Variants in MTUS2 observed in about 807,000 individuals in gnomAD.
MTUS2 encodes microtubule-associated tumor suppressor candidate 2.
MTUS2 carries 40 observed loss-of-function variants against 114.1 expected under a neutral mutation model. That is an observed-to-expected ratio of 0.35 (90% confidence interval 0.27 to 0.46). The LOEUF (loss-of-function observed/expected upper bound fraction) is 0.46. MTUS2 is among the 20% of genes least tolerant of loss of function. The pLI, the probability that MTUS2 is intolerant of heterozygous loss-of-function variation, is 1.00. For missense variants in MTUS2, 1,679 were observed against 1,705.4 expected (o/e 0.98, Z 0.27); for synonymous variants, 688 against 672.0 (o/e 1.02, Z -0.37).
chr13:29,016,579 C>G (rs558929103), intron 2 of MTUS2, among the ~76,000 whole-genome samples: 1 of 151,988 alleles, frequency 6.6e-6, no homozygotes, highest in Non-Finnish European at 1.5e-5. Context: ...TGTATATATT[C>G]TTCTTTATTC....
At chr13:28,960,730 G>A (rs1167306264) in intron 2 of MTUS2, among the ~76,000 whole-genome samples, 3 of 152,150 alleles carry the variant, frequency 2.0e-5, no homozygotes, top group Admixed American at 6.5e-5. Flanking sequence ...ACTGGTGATG[G>A]GTATGGGGTT....
chr13:29,280,747 A>G (rs1898235780), intron 5 of MTUS2, among the ~76,000 whole-genome samples: 1 of 152,198 alleles, frequency 6.6e-6, no homozygotes, highest in Admixed American at 6.5e-5. Flanking sequence ...ACAAGTGGTA[A>G]TCTCCGTGCA....
chr13:29,053,571 A>G (rs541264294), intron 4 of MTUS2, among the ~76,000 whole-genome samples: 1 of 152,262 alleles, frequency 6.6e-6, no homozygotes, highest in African/African-American at 2.4e-5. Flanking sequence ...ACAATTCCCA[A>G]TCCTACTACC....
chr13:29,191,042 A>G (rs1248317326), intron 5 of MTUS2, among the ~76,000 whole-genome samples: 2 of 152,268 alleles, frequency 1.3e-5, no homozygotes, highest in African/African-American at 4.8e-5. Flanking sequence ...GCTGCCACAC[A>G]GCTGTATGAG....
intron 5 of MTUS2, among the ~76,000 whole-genome samples, chr13:29,132,163 C>A (rs1891792910): frequency 6.6e-6 from 1 of 152,174 alleles, no homozygotes; most frequent in South Asian, 2.1e-4. Context: ...TATACACATA[C>A]ATATACTTTT....
chr13:29,307,405 C>T (rs566866418), intron 6 of MTUS2: 2 of 1,075,706 alleles, frequency 1.9e-6, no homozygotes, highest in East Asian at 2.4e-5. Flanking sequence ...CATCCCTGCC[C>T]CTAGTGACGC....
intron 9 of MTUS2, among the ~76,000 whole-genome samples, chr13:29,463,867 C>T (rs1030648706): frequency 1.1e-4 from 16 of 152,156 alleles, no homozygotes; most frequent in African/African-American, 2.9e-4. Flanking sequence ...GGTGTGGTGG[C>T]ACGTACCTGT....
intron 5 of MTUS2, among the ~76,000 whole-genome samples, chr13:29,198,168 C>T (rs566360531): frequency 6.6e-6 from 1 of 152,180 alleles, no homozygotes; most frequent in African/African-American, 2.4e-5. Flanking sequence ...AATGGTATTG[C>T]CTAGGTTTTC....
intron 4 of MTUS2, among the ~76,000 whole-genome samples, chr13:29,071,265 G>A (rs1427137487): frequency 6.6e-6 from 1 of 151,532 alleles, no homozygotes; most frequent in Non-Finnish European, 1.5e-5. Context: ...CTCCCAAAGT[G>A]CTGGGATTAC....
intron 8 of MTUS2, among the ~76,000 whole-genome samples, chr13:29,381,228 T>G (rs938357952): frequency 6.6e-6 from 1 of 152,050 alleles, no homozygotes; most frequent in Non-Finnish European, 1.5e-5. Context: ...GGAAAAAACT[T>G]AGGACAGATA....
intron 7 of MTUS2, among the ~76,000 whole-genome samples, chr13:29,345,755 T>C (rs1292014380): frequency 2.0e-5 from 3 of 152,118 alleles, no homozygotes; most frequent in Non-Finnish European, 2.9e-5. Context: ...TGGAATTGTT[T>C]TTCTGGTTCT....
At chr13:28,994,018 C>A (rs1388087794) in intron 2 of MTUS2, among the ~76,000 whole-genome samples, 4 of 152,098 alleles carry the variant, frequency 2.6e-5, no homozygotes, top group Non-Finnish European at 5.9e-5. Flanking sequence ...CGTCATTTAG[C>A]ATTAGGTGTA....
chr13:29,101,002 C>A (rs1200577895), intron 5 of MTUS2, 32 bp downstream of exon 5: 2 of 1,506,498 alleles, frequency 1.3e-6, no homozygotes, highest in Non-Finnish European at 8.9e-7. Flanking sequence ...GGGGTGCCTT[C>A]ACTGAATTAA....
At chr13:28,914,658 G>A (rs1031377075) in intron 2 of MTUS2, among the ~76,000 whole-genome samples, 3 of 151,658 alleles carry the variant, frequency 2.0e-5, no homozygotes, top group Non-Finnish European at 3.0e-5. Context: ...TTTCTGTCTC[G>A]ATGATCTAAT....
At chr13:29,145,417 G>A (rs1378456448) in intron 5 of MTUS2, among the ~76,000 whole-genome samples, 2 of 152,144 alleles carry the variant, frequency 1.3e-5, no homozygotes, top group African/African-American at 2.4e-5. Flanking sequence ...CTACCGGGCA[G>A]GTTGAGGCAG....
Position 29,426,173 on chromosome 13 carries a change from A to G in MTUS2, c.3118-13810A>G, listed in dbSNP as rs7326491. On this transcript the variant is annotated intron_variant, in intron 8 of 15. Transcript: ENST00000612955. The stretch of plus-strand genomic sequence containing the variant: ...TCAGGAGCTGTTTGCCTCCGGATAA[A>G]TGCAAGCTACCACTTCTCTTTTAGA... Among the ~76,000 whole-genome samples the G allele has an allele frequency of 8.7e-3, 1,328 of 152,302 alleles. 16 individuals carry two copies. The highest frequency in any genetic ancestry group is 0.03 in the African/African-American group (1,255 of 41,550).
chr13:28,963,763 G>T (rs145773039), intron 2 of MTUS2, among the ~76,000 whole-genome samples: 1 of 152,294 alleles, frequency 6.6e-6, no homozygotes, highest in East Asian at 1.9e-4. Flanking sequence ...CATGGAGACT[G>T]CTCTTGTCAA....
chr13:29,348,419 T>TA (rs1427300550), intron 7 of MTUS2, among the ~76,000 whole-genome samples: 1 of 150,432 alleles, frequency 6.6e-6, no homozygotes, highest in African/African-American at 2.4e-5. Context: ...ATATATTTCT[T>TA]ATTATGTCGC....
intron 2 of MTUS2, among the ~76,000 whole-genome samples, chr13:28,886,092 G>A (rs796793037): frequency 2.0e-5 from 3 of 152,300 alleles, no homozygotes; most frequent in African/African-American, 7.2e-5. Flanking sequence ...AGGCCAATGA[G>A]TCTGGGCAGA....
Sources: allele counts gnomAD v4.1 joint callset (sites outside exome capture counted in the v4.1 genomes callset), GRCh38; gene constraint gnomAD v4.1.1; transcripts MANE v1.5; gene names NCBI Gene and HGNC (gene_info 2026-07-23, HGNC 2026-07-21).